The following MPZ variants were observed in gnomAD, a reference collection of about 807,000 sequenced individuals.
The protein encoded by MPZ is myelin protein P0.
Under a neutral mutation model 27.9 loss-of-function variants are expected in MPZ, and 13 were observed. The ratio of observed to expected loss-of-function variants is 0.47; its 90% CI spans 0.30 to 0.74. The LOEUF (loss-of-function observed/expected upper bound fraction) is 0.74. Among genes scored for constraint, MPZ ranks in the 30% least tolerant of loss-of-function variants. MPZ has a pLI of 0.06. For missense variants in MPZ, 256 were observed against 317.5 expected, an observed-to-expected ratio of 0.81 and a Z score of 1.47; for synonymous variants, 118 against 128.9, an observed-to-expected ratio of 0.92 and a Z score of 0.57.
chr1:161,304,237 A>G (rs970846365), downstream of MPZ, among the ~76,000 whole-genome samples: 1 of 152,224 alleles, frequency 6.6e-6, no homozygotes, highest in Admixed American at 6.5e-5. Context: ...TACCTTAGGC[A>G]AGCACTAGAA....
intron 1 of MPZ, among the ~76,000 whole-genome samples, chr1:161,309,552 A>ATTTTTTTTTTTTTTTTTTTTTTT (rs1215409194): frequency 3.7e-5 from 3 of 80,636 alleles, no homozygotes; most frequent in Non-Finnish European, 4.7e-5. Flanking sequence ...ATATATATAT[A>ATTTTTTTTTTTTTTTTTTTTTTT]TTTTTTTTTT....
At chr1:161,304,615 T>C (rs187609406), downstream of MPZ, 1 of 152,750 alleles carries the variant, frequency 6.5e-6, no homozygotes, top group Admixed American at 6.5e-5. Flanking sequence ...TAGTATACTA[T>C]ATAAGCCCAC....
Position 161,307,464 on chromosome 1 carries a change from C to T in MPZ, c.68-40G>A. ...TGGGGAATCAGATGCACCTATGGGC[C>T]CAGTAAGGGATACAGAGGAAGTGAG... On this transcript the variant is annotated intron_variant, in intron 1 of 5. Coordinates refer to ENST00000533357, the MANE Select transcript of MPZ (RefSeq NM_000530.8). 3 of 1,611,218 alleles carry T rather than the reference C, an allele frequency of 1.9e-6. No individual in the cohort carries two copies. The South Asian group carries it at 3.3e-5, about 18-fold the overall frequency.
Position 161,305,833 on chromosome 1 carries a change from A to C in MPZ, c.*43T>G. ...ACCATCACCTTTGGGCCTTTGGCGG[A>C]CTCCACCCCTAACCCCCGATCCCCC... On this transcript the variant is annotated 3_prime_UTR_variant, in exon 6 of 6. Transcript: ENST00000533357. 7.0e-7 allele frequency: 1 copy of C among 1,425,270 alleles called. No homozygotes were observed. The highest frequency in any genetic ancestry group is 9.8e-7 in the Non-Finnish European group (1 of 1,018,758). The allele number at this position is 1,425,270 out of a possible 1,614,324, so 88.3% of individuals were successfully genotyped here.
chr1:161,309,750 G>T, intron 1 of MPZ, 89 bp downstream of exon 1: 1 of 1,023,124 alleles, frequency 9.8e-7, no homozygotes, highest in Non-Finnish European at 1.5e-6. Context: ...TTCTTTCTTT[G>T]GTTGCAGTGG....
In MPZ at chr1:161,306,341, T is replaced by C. The variant is rs1670242560; in HGVS notation, c.572A>G (p.Gln191Arg). The change falls in exon 4 of 6, where the codon CAG becomes CGG. Residue 191 changes from glutamine (Q) to arginine (R), a missense_variant. By Grantham distance (43) the Gln-to-Arg change is conservative (BLOSUM62 1). Transcript: ENST00000533357. ...CTCCGCCCCTTACCTGAGCCTCCTC[T>C]GCAGGGCCGCCTGCCTGCGTAGCCA... is the stretch of plus-strand genomic sequence containing the variant. Reference protein sequence around the residue: ...YCWLRRQAALQRRLSAMEKGK... With the variant: ...YCWLRRQAALRRRLSAMEKGK... 1 of 1,614,190 alleles carries C rather than the reference T, an allele frequency of 6.2e-7. No homozygotes were observed. The highest frequency in any genetic ancestry group is 8.5e-7 in the Non-Finnish European group (1 of 1,180,038).
chr1:161,305,845 A>C lies in MPZ; in HGVS notation c.*31T>G. The C allele has an allele frequency of 6.5e-7, 1 of 1,529,364 alleles. No homozygotes were observed. The highest frequency in any genetic ancestry group is 9.0e-7 in the Non-Finnish European group (1 of 1,109,042). 94.7% of individuals were successfully genotyped at this position (1,529,364 alleles called of 1,614,324 possible). ...GGGCCTTTGGCGGACTCCACCCCTA[A>C]CCCCCGATCCCCCGCCCGGCCCGCT... is the stretch of plus-strand genomic sequence containing the variant. On this transcript the variant is annotated 3_prime_UTR_variant, in exon 6 of 6. Coordinates refer to ENST00000533357, the MANE Select transcript of MPZ (RefSeq NM_000530.8).
At chr1:161,308,711 T>G (rs754416107) in intron 1 of MPZ, among the ~76,000 whole-genome samples, 3 of 152,186 alleles carry the variant, frequency 2.0e-5, no homozygotes, top group Non-Finnish European at 4.4e-5. Flanking sequence ...TGTTACAATA[T>G]CAACCATTGC....
Position 161,306,629 on chromosome 1 carries a change from C to T in MPZ, c.448+79G>A. 3 of 1,573,128 alleles carry T rather than the reference C, an allele frequency of 1.9e-6. No individual in the cohort carries two copies. In the East Asian group the frequency reaches 6.7e-5, roughly 35 times the overall value. On this transcript the variant is annotated intron_variant, in intron 3 of 5. Transcript: ENST00000533357. ...AAGGTCCTTAGGCCGGGCTTTTTGC[C>T]TCTTCCCCCAACCTATCAGTCCTCC... is the stretch of plus-strand genomic sequence containing the variant.
At position 161,309,929 on chromosome 1, in the gene MPZ, G is replaced by A. The variant is rs754246183; in HGVS notation, c.-24C>T. Reference sequence around the variant, plus strand: ...ATAGCTGGGGCAGGGGCAGGGGCCCGGAGCATCTGTGGGGTTGAGAAAGTG... The same window carrying A: ...ATAGCTGGGGCAGGGGCAGGGGCCCAGAGCATCTGTGGGGTTGAGAAAGTG... On this transcript the variant is annotated 5_prime_UTR_variant, in exon 1 of 6. Coordinates refer to ENST00000533357, the MANE Select transcript of MPZ (RefSeq NM_000530.8). The A allele has an allele frequency of 1.3e-5, 20 of 1,566,454 alleles. No homozygotes were observed. Among genetic ancestry groups the A allele is most frequent in the Middle Eastern group, 1.7e-4 (1 of 5,754 alleles).
At chr1:161,307,127 T>A in intron 2 of MPZ, 131 bp downstream of exon 2, 1 of 1,257,250 alleles carries the variant, frequency 8.0e-7, no homozygotes, top group Non-Finnish European at 1.1e-6. Context: ...TGACAAAGAC[T>A]GTCATTTACC....
chr1:161,305,782 C>A lies in MPZ; in HGVS notation c.*94G>T. 1 of 935,666 alleles carries A rather than the reference C, an allele frequency of 1.1e-6. No homozygotes were observed. Among genetic ancestry groups the A allele is most frequent in the South Asian group, 1.6e-5 (1 of 63,936 alleles). The allele number at this position is 935,666 out of a possible 1,614,324, so 58.0% of individuals were successfully genotyped here. A position where few individuals can be genotyped will look rare whatever the true frequency, so the allele number is the denominator to read the frequency against. On this transcript the variant is annotated 3_prime_UTR_variant, in exon 6 of 6. Coordinates refer to ENST00000533357, the MANE Select transcript of MPZ (RefSeq NM_000530.8). ...GCAGGCCGGAGCTCCGGGCTCTGCT[C>A]ATCCTTTCGTAGCTCCATCTCGATG... is the stretch of plus-strand genomic sequence containing the variant.
chr1:161,305,828 G>T lies in MPZ; in HGVS notation c.*48C>A. 1.4e-6 allele frequency: 2 copies of T among 1,398,678 alleles called. No individual in the cohort carries two copies. The highest frequency in any genetic ancestry group is 2.0e-6 in the Non-Finnish European group (2 of 994,948). The allele number at this position is 1,398,678 out of a possible 1,614,324, so 86.6% of individuals were successfully genotyped here. ...CGATGACCATCACCTTTGGGCCTTT[G>T]GCGGACTCCACCCCTAACCCCCGAT... On this transcript the variant is annotated 3_prime_UTR_variant, in exon 6 of 6. Coordinates refer to ENST00000533357, the MANE Select transcript of MPZ (RefSeq NM_000530.8).
chr1:161,309,552 A>AT (rs1215409194), intron 1 of MPZ, among the ~76,000 whole-genome samples: 5,295 of 80,700 alleles, frequency 0.066, 423 homozygotes, highest in Middle Eastern at 0.11. Flanking sequence ...ATATATATAT[A>AT]TTTTTTTTTT....
At chr1:161,306,523 A>G (rs1315507349) in intron 3 of MPZ, 59 bp from the exon 4 acceptor site, 131 of 1,609,812 alleles carry the variant, frequency 8.1e-5, no homozygotes, top group Non-Finnish European at 1.1e-4. Context: ...TGTGGTTCCT[A>G]GTCCGAGTGT....
At chr1:161,306,007 G>A (rs747147946) in intron 5 of MPZ, 30 bp from the exon 6 acceptor site, 4 of 1,607,596 alleles carry the variant, frequency 2.5e-6, no homozygotes, top group East Asian at 2.2e-5. Context: ...ATCAGTCACC[G>A]AGCGACTGGG....
chr1:161,309,552 A>ATATATATATATTTTTTTTTTTTTTT, intron 1 of MPZ, among the ~76,000 whole-genome samples: 2 of 80,646 alleles, frequency 2.5e-5, no homozygotes, highest in African/African-American at 1.2e-4. Context: ...ATATATATAT[A>ATATATATATATTTTTTTTTTTTTTT]TTTTTTTTTT....
intron 4 of MPZ, 66 bp downstream of exon 4, chr1:161,306,263 G>T (rs1397600131): frequency 4.0e-5 from 64 of 1,612,404 alleles, no homozygotes; most frequent in Non-Finnish European, 5.2e-5. Context: ...CCACCCACTG[G>T]AGTAGTCTCC....
At position 161,306,956 on chromosome 1, in the gene MPZ, C is replaced by T. The variant is rs774297825; in HGVS notation, c.235-35G>A. On this transcript the variant is annotated intron_variant, in intron 2 of 5. Transcript: ENST00000533357. ...ATGAGGGGAAGCATGTGAGAGGACCCTAATGAGAACACAGCTGTCAAAGCT... is the reference window on the plus strand; with the variant it reads ...ATGAGGGGAAGCATGTGAGAGGACCTTAATGAGAACACAGCTGTCAAAGCT... The T allele has an allele frequency of 2.5e-5, 34 of 1,376,330 alleles. 1 individual carries two copies. In the South Asian group the frequency reaches 3.8e-4, roughly 15 times the overall value. The allele number at this position is 1,376,330 out of a possible 1,614,324, so 85.3% of individuals were successfully genotyped here. A position where few individuals can be genotyped will look rare whatever the true frequency, so the allele number is the denominator to read the frequency against.
Sources: allele counts gnomAD v4.1 joint callset (sites outside exome capture counted in the v4.1 genomes callset), GRCh38; gene constraint gnomAD v4.1.1; transcripts MANE v1.5; gene names NCBI Gene and HGNC (gene_info 2026-07-23, HGNC 2026-07-21).